CACHD1: variants seen among roughly 807,000 people sequenced by gnomAD.
The protein encoded by CACHD1 is cache domain containing 1, also known as VWFA and cache domain-containing protein 1.
Under a neutral mutation model 138.7 loss-of-function variants are expected in CACHD1, and 71 were observed. The ratio of observed to expected loss-of-function variants is 0.51; its 90% CI spans 0.42 to 0.62. The LOEUF (loss-of-function observed/expected upper bound fraction) is 0.62. CACHD1 is among the 20% of genes least tolerant of loss of function. The pLI, the probability that CACHD1 is intolerant of heterozygous loss-of-function variation, is 0.00. For synonymous variants in CACHD1, 578 were observed against 591.5 expected (o/e 0.98, Z 0.33); for missense variants, 1,389 against 1,625.3 (o/e 0.85, Z 2.50).
At chr1:64,537,654 C>G (rs1481661236) in intron 1 of CACHD1, among the ~76,000 whole-genome samples, 9 of 152,146 alleles carry the variant, frequency 5.9e-5, no homozygotes, top group Non-Finnish European at 1.2e-4. Flanking sequence ...GGAGGAGTTC[C>G]TATCATTAGG....
At chr1:64,480,257 C>T (rs1426227421) in intron 1 of CACHD1, among the ~76,000 whole-genome samples, 3 of 152,136 alleles carry the variant, frequency 2.0e-5, no homozygotes, top group South Asian at 2.1e-4. Flanking sequence ...TGAGGCCCAG[C>T]GAGGAAGTGG....
In CACHD1 at chr1:64,470,801, C is replaced by G. The variant is rs980576786; in HGVS notation, c.57C>G (p.Pro19=). ...ETAVARARRP[P]LWLLCLVACW... ...CCGTGGCCCGGGCGCGGCGGCCGCCCCTCTGGCTGCTCTGCCTGGTCGCGT... is the reference window on the plus strand; with the variant it reads ...CCGTGGCCCGGGCGCGGCGGCCGCCGCTCTGGCTGCTCTGCCTGGTCGCGT... The change falls in exon 1 of 27, where the codon CCC becomes CCG. Residue 19 remains proline, a synonymous_variant. Coordinates refer to ENST00000651257, the MANE Select transcript of CACHD1 (RefSeq NM_020925.4). This position sits in a 1 kb window ranked among gnomAD's most constrained non-coding sequence, Gnocchi z 5.2. 2 of 1,326,398 alleles carry G rather than the reference C, an allele frequency of 1.5e-6. No individual in the cohort carries two copies. Among genetic ancestry groups the G allele is most frequent in the African/African-American group, 1.5e-5 (1 of 68,454 alleles). The allele number at this position is 1,326,398 out of a possible 1,614,324, so 82.2% of individuals were successfully genotyped here.
At chr1:64,498,195 A>T (rs1218678334) in intron 1 of CACHD1, among the ~76,000 whole-genome samples, 1 of 152,172 alleles carries the variant, frequency 6.6e-6, no homozygotes, top group African/African-American at 2.4e-5. Context: ...AGGTTCACCA[A>T]AGCTCGGAGA....
At chr1:64,562,442 G>C (rs1477594547) in intron 2 of CACHD1, among the ~76,000 whole-genome samples, 1 of 123,138 alleles carries the variant, frequency 8.1e-6, no homozygotes, top group Admixed American at 9.6e-5. Context: ...ACAGAGTCTT[G>C]CTCTGCCACC....
chr1:64,548,965 G>A (rs776156031), intron 1 of CACHD1, among the ~76,000 whole-genome samples: 7 of 152,150 alleles, frequency 4.6e-5, no homozygotes, highest in East Asian at 1.9e-4. Context: ...AGTTAGGAGC[G>A]CCAGATCTGA....
At chr1:64,559,148 A>G (rs1384679167) in intron 2 of CACHD1, among the ~76,000 whole-genome samples, 1 of 152,242 alleles carries the variant, frequency 6.6e-6, no homozygotes, top group African/African-American at 2.4e-5. Context: ...ATTATTGGGT[A>G]TATACCCAGA....
intron 4 of CACHD1, among the ~76,000 whole-genome samples, chr1:64,609,529 T>C (rs981984217): frequency 1.3e-5 from 2 of 152,190 alleles, no homozygotes; most frequent in Non-Finnish European, 2.9e-5. Context: ...CTTTACCTGC[T>C]TCCCCCTTCA....
At chr1:64,638,751 C>T (rs1217894049) in intron 7 of CACHD1, among the ~76,000 whole-genome samples, 2 of 152,152 alleles carry the variant, frequency 1.3e-5, no homozygotes, top group Non-Finnish European at 2.9e-5. Context: ...TTACATGCTG[C>T]ATCTCTGCTC....
chr1:64,483,681 CA>C (rs10537125), intron 1 of CACHD1, among the ~76,000 whole-genome samples: 3,099 of 58,208 alleles, frequency 0.053, 34 homozygotes, highest in East Asian at 0.1. Flanking sequence ...CTGTCTCTAC[CA>C]AAAAAAAAAA....
chr1:64,577,283 ACTT>A (rs1191858594), intron 2 of CACHD1, among the ~76,000 whole-genome samples: 1 of 152,012 alleles, frequency 6.6e-6, no homozygotes, highest in Non-Finnish European at 1.5e-5. Context: ...ATAATTCTAA[ACTT>A]CTTCAAAGTA....
intron 1 of CACHD1, among the ~76,000 whole-genome samples, chr1:64,484,505 T>C (rs531459494): frequency 1.3e-5 from 2 of 152,330 alleles, no homozygotes; most frequent in African/African-American, 4.8e-5. Context: ...GTAGCTCTTT[T>C]AGGCGTGGCC....
chr1:64,682,237 C>T (rs749729181), intron 26 of CACHD1, 131 bp downstream of exon 26: 73 of 751,218 alleles, frequency 9.7e-5, no homozygotes, highest in Non-Finnish European at 1.4e-4. Flanking sequence ...TATAAGAGCC[C>T]GAGGACAGTT....
At chr1:64,652,805 T>C (rs1383477673) in intron 10 of CACHD1, among the ~76,000 whole-genome samples, 2 of 152,132 alleles carry the variant, frequency 1.3e-5, no homozygotes, top group Non-Finnish European at 2.9e-5. Context: ...GGAATGTAAA[T>C]TAGGTCAGCC....
chr1:64,479,416 G>C (rs1255322735), intron 1 of CACHD1, among the ~76,000 whole-genome samples: 1 of 152,212 alleles, frequency 6.6e-6, no homozygotes, highest in Non-Finnish European at 1.5e-5. Context: ...GAATGAATTA[G>C]GAGTTGGTTA....
intron 8 of CACHD1, among the ~76,000 whole-genome samples, chr1:64,642,867 C>T (rs1047385310): frequency 7.3e-5 from 11 of 150,576 alleles, no homozygotes; most frequent in Non-Finnish European, 1.2e-4. Flanking sequence ...TGTGAAACCT[C>T]GTCTCTACTA....
At chr1:64,615,645 T>C (rs1647683114) in intron 4 of CACHD1, among the ~76,000 whole-genome samples, 1 of 152,222 alleles carries the variant, frequency 6.6e-6, no homozygotes, top group Non-Finnish European at 1.5e-5. Context: ...CTCTTCTGTA[T>C]AATGGAATAA....
chr1:64,477,629 A>ATTTATTTATTTTTTTTTTTTTTTATT (rs1553125591), intron 1 of CACHD1, among the ~76,000 whole-genome samples: 8 of 114,844 alleles, frequency 7.0e-5, no homozygotes, highest in African/African-American at 3.0e-4. Flanking sequence ...TTATTATTTT[A>ATTTATTTATTTTTTTTTTTTTTTATT]TTTTATTTTT....
At chr1:64,598,401 T>TA (rs1267509728) in intron 3 of CACHD1, among the ~76,000 whole-genome samples, 2 of 152,184 alleles carry the variant, frequency 1.3e-5, no homozygotes, top group Non-Finnish European at 2.9e-5. Context: ...TTGAGACTCT[T>TA]ATGAAATACA....
chr1:64,477,836 T>G (rs898974742), intron 1 of CACHD1, among the ~76,000 whole-genome samples: 1 of 150,196 alleles, frequency 6.7e-6, no homozygotes, highest in Non-Finnish European at 1.5e-5. Context: ...GGGTTTCACC[T>G]TGTTAGCCAG....
Sources: gnomAD v4.1 joint callset for allele counts (sites outside exome capture counted in the v4.1 genomes callset) on GRCh38, gnomAD v4.1.1 for gene constraint, Gnocchi (gnomAD v3.1) non-coding constraint, MANE v1.5 for transcripts, NCBI Gene and HGNC (gene_info 2026-07-23, HGNC 2026-07-21) for gene names.